Variants in CA10 observed in about 807,000 individuals in gnomAD.
CA10 encodes the protein carbonic anhydrase 10 (inactive), also known as carbonic anhydrase-related protein 10.
Under a neutral mutation model 44.2 loss-of-function variants are expected in CA10, and 14 were observed. The ratio of observed to expected loss-of-function variants is 0.32; its 90% confidence interval spans 0.21 to 0.50. CA10 has a LOEUF of 0.50. Among genes scored for constraint, CA10 ranks in the 20% least tolerant of loss-of-function variants. The pLI is 0.99. For synonymous variants in CA10, 159 were observed against 141.6 expected (o/e 1.12, Z -0.87); for missense variants, 350 against 409.7 (o/e 0.85, Z 1.26).
intron 4 of CA10, among the ~76,000 whole-genome samples, chr17:51,741,604 G>A (rs1323219923): frequency 6.6e-6 from 1 of 152,196 alleles, no homozygotes; most frequent in African/African-American, 2.4e-5. Flanking sequence ...ATGGTTGACT[G>A]AGTTGTTGAT....
chr17:51,765,711 GTGTGTGTGTGTGTA>G (rs1237944889), intron 3 of CA10, among the ~76,000 whole-genome samples: 8 of 145,938 alleles, frequency 5.5e-5, no homozygotes, highest in Non-Finnish European at 1.0e-4. Flanking sequence ...GTGTGTGTGT[GTGTGTGTGTGTGTA>G]TGTGTGTGTG....
At position 51,941,922 on chromosome 17, in the gene CA10, CTCTA is replaced by C. The variant is rs371744681; in HGVS notation, c.137-10794_137-10791del. 2.4e-3 allele frequency among the ~76,000 whole-genome samples: 371 copies of C among 152,194 alleles called. 2 individuals are homozygous for C. The highest frequency in any genetic ancestry group is 8.5e-3 in the African/African-American group (355 of 41,538). On this transcript the variant is annotated intron_variant, in intron 2 of 8. Transcript: ENST00000451037. ...TTAGTATGTAAACATCTCACTGTCC[CTCTA>C]TCCCTTTAACACTCACTCTCTCTGT...
At chr17:51,867,248 A>T (rs865837906) in intron 3 of CA10, among the ~76,000 whole-genome samples, 5 of 152,168 alleles carry the variant, frequency 3.3e-5, no homozygotes, top group Non-Finnish European at 7.3e-5. Flanking sequence ...CCTGGTACTG[A>T]TGACTCGTGG....
At chr17:51,915,747 C>T (rs762705273) in intron 3 of CA10, among the ~76,000 whole-genome samples, 1 of 152,116 alleles carries the variant, frequency 6.6e-6, no homozygotes, top group Non-Finnish European at 1.5e-5. Flanking sequence ...ATTCATTCCT[C>T]CCGGGCCGTT....
chr17:51,840,206 C>T (rs1978307730), intron 3 of CA10, among the ~76,000 whole-genome samples: 1 of 152,142 alleles, frequency 6.6e-6, no homozygotes, highest in Admixed American at 6.5e-5. Context: ...ATACGGACCC[C>T]ACTAAGTGCT....
intron 2 of CA10, 110 bp from the exon 3 acceptor site, chr17:51,931,242 G>C (rs953769279): frequency 9.4e-6 from 10 of 1,058,848 alleles, no homozygotes; most frequent in Admixed American, 2.2e-5. Flanking sequence ...ACCACCAAAT[G>C]TTCCCACCCA....
At chr17:51,845,349 C>T (rs950090361) in intron 3 of CA10, among the ~76,000 whole-genome samples, 5 of 152,114 alleles carry the variant, frequency 3.3e-5, no homozygotes, top group African/African-American at 1.2e-4. Flanking sequence ...GCTGTCAAGT[C>T]GTGAAGATAT....
At chr17:51,823,755 G>A (rs902717067) in intron 3 of CA10, among the ~76,000 whole-genome samples, 33 of 152,312 alleles carry the variant, frequency 2.2e-4, no homozygotes, top group African/African-American at 7.0e-4. Flanking sequence ...TTCATAGGTA[G>A]CAGCATAGCC....
chr17:51,809,619 C>T (rs377620844), intron 3 of CA10, among the ~76,000 whole-genome samples: 1 of 152,174 alleles, frequency 6.6e-6, no homozygotes, highest in Non-Finnish European at 1.5e-5. Context: ...ACGACGGATG[C>T]TGCAGGACTG....
chr17:51,997,418 T>TA (rs992573300), intron 2 of CA10, among the ~76,000 whole-genome samples: 18 of 152,024 alleles, frequency 1.2e-4, no homozygotes, highest in African/African-American at 3.9e-4. Context: ...CATAAAAGTG[T>TA]AAAAAAGTAG....
chr17:52,035,980 T>G (rs1986606895), intron 2 of CA10, among the ~76,000 whole-genome samples: 1 of 152,202 alleles, frequency 6.6e-6, no homozygotes. Context: ...CTAGGGGTTC[T>G]CAAATATTCT....
intron 4 of CA10, among the ~76,000 whole-genome samples, chr17:51,671,184 T>C (rs1012766524): frequency 7.2e-5 from 11 of 152,042 alleles, no homozygotes; most frequent in Admixed American, 3.3e-4. Context: ...CAGGTTCTGA[T>C]TGGGGGCCGG....
intron 1 of CA10, among the ~76,000 whole-genome samples, chr17:52,112,037 C>T (rs570246311): frequency 7.2e-5 from 11 of 152,200 alleles, no homozygotes; most frequent in Admixed American, 4.6e-4. Flanking sequence ...ACATCATCAT[C>T]ACCCTCATGA....
intron 2 of CA10, among the ~76,000 whole-genome samples, chr17:51,948,285 A>AAT (rs1431859914): frequency 6.6e-6 from 1 of 152,148 alleles, no homozygotes; most frequent in African/African-American, 2.4e-5. Flanking sequence ...GCCCATAGGA[A>AAT]ATCTAGAGAG....
intron 4 of CA10, among the ~76,000 whole-genome samples, chr17:51,740,412 G>T (rs1364862482): frequency 6.6e-6 from 1 of 152,086 alleles, no homozygotes; most frequent in Non-Finnish European, 1.5e-5. Flanking sequence ...ATAAATTGTG[G>T]GCTATATTAG....
intron 1 of CA10, among the ~76,000 whole-genome samples, chr17:52,155,511 T>C (rs1422659036): frequency 6.6e-6 from 1 of 152,200 alleles, no homozygotes; most frequent in African/African-American, 2.4e-5. Context: ...TTGTGAGTCA[T>C]AATCATATTA....
At chr17:51,641,146 TC>T (rs1913065449) in intron 6 of CA10, among the ~76,000 whole-genome samples, 1 of 148,090 alleles carries the variant, frequency 6.8e-6, no homozygotes, top group Non-Finnish European at 1.5e-5. Flanking sequence ...TCTCTCTCTC[TC>T]TCAGCTCTCT....
At chr17:51,997,951 G>A (rs1208744154) in intron 2 of CA10, among the ~76,000 whole-genome samples, 1 of 152,072 alleles carries the variant, frequency 6.6e-6, no homozygotes, top group Admixed American at 6.6e-5. Flanking sequence ...AGCCTCCTGT[G>A]ATAACCCTAA....
intron 2 of CA10, among the ~76,000 whole-genome samples, chr17:52,000,884 G>A (rs751047809): frequency 1.4e-5 from 2 of 140,382 alleles, no homozygotes; most frequent in African/African-American, 2.6e-5. Context: ...TTAAAATCTC[G>A]ACTACAGATG....
Sources: gnomAD v4.1 joint callset for allele counts (sites outside exome capture counted in the v4.1 genomes callset) on GRCh38, gnomAD v4.1.1 for gene constraint, MANE v1.5 for transcripts, NCBI Gene and HGNC (gene_info 2026-07-23, HGNC 2026-07-21) for gene names.